Variants in SOX6 observed in about 807,000 individuals in gnomAD.
SOX6 encodes SRY-box transcription factor 6.
A neutral mutation model predicts 97.8 loss-of-function variants in SOX6; 11 were observed. The ratio of observed to expected loss-of-function variants is 0.11; its 90% CI spans 0.07 to 0.19. The LOEUF (loss-of-function observed/expected upper bound fraction) is 0.19. Ranked by LOEUF, SOX6 falls within the 10% of genes least tolerant of loss-of-function variation. The probability of loss-of-function intolerance (pLI) is 1.00; values close to 1 mark genes in which losing one functional copy is unlikely to be tolerated. For synonymous variants in SOX6, 360 were observed against 371.4 expected (o/e 0.97, Z 0.35); for missense variants, 810 against 1,039.5 (o/e 0.78, Z 3.04).
intron 2 of SOX6, among the ~76,000 whole-genome samples, chr11:16,322,559 T>C (rs297358): frequency 0.87 from 131,840 of 152,036 alleles, 57,620 homozygotes; most frequent in Non-Finnish European, 0.92. Context: ...ATAATATCTA[T>C]CAAGTCTTAA....
At chr11:16,538,267 G>A (rs1276749616) in intron 4 of SOX6, among the ~76,000 whole-genome samples, 1 of 152,114 alleles carries the variant, frequency 6.6e-6, no homozygotes, top group Non-Finnish European at 1.5e-5. Flanking sequence ...TTACAGACAA[G>A]CAAATGCTGA....
chr11:16,646,655 T>C (rs1008253780), intron 3 of SOX6, among the ~76,000 whole-genome samples: 3 of 152,136 alleles, frequency 2.0e-5, no homozygotes, highest in Non-Finnish European at 2.9e-5. Flanking sequence ...CCACAGCCCA[T>C]TGTATAATTC....
intron 12 of SOX6, among the ~76,000 whole-genome samples, chr11:16,035,303 T>C (rs748158163): frequency 7.9e-5 from 12 of 152,196 alleles, no homozygotes; most frequent in Non-Finnish European, 1.3e-4. Context: ...AGTTCAATAT[T>C]AACTGTGTGA....
At chr11:16,274,835 T>A (rs1005589703) in intron 3 of SOX6, among the ~76,000 whole-genome samples, 4 of 152,126 alleles carry the variant, frequency 2.6e-5, no homozygotes, top group African/African-American at 9.7e-5. Flanking sequence ...CTAAATAAAT[T>A]ATTAGGCCTT....
chr11:16,269,411 T>C (rs1018527987), intron 3 of SOX6, among the ~76,000 whole-genome samples: 1 of 150,982 alleles, frequency 6.6e-6, no homozygotes, highest in Non-Finnish European at 1.5e-5. Flanking sequence ...GCATGTTTGT[T>C]TATCCATATG....
chr11:16,523,882 G>C (rs1482449692), intron 4 of SOX6, among the ~76,000 whole-genome samples: 2 of 152,178 alleles, frequency 1.3e-5, no homozygotes, highest in East Asian at 1.9e-4. Flanking sequence ...AGAAAATCTA[G>C]AAGAAATGGA....
intron 4 of SOX6, among the ~76,000 whole-genome samples, chr11:16,533,080 A>T (rs1196581706): frequency 6.6e-6 from 1 of 151,958 alleles, no homozygotes; most frequent in African/African-American, 2.4e-5. Context: ...TTTAATATTG[A>T]TGCCCTTTAT....
intron 3 of SOX6, among the ~76,000 whole-genome samples, chr11:16,696,915 G>A (rs1848058092): frequency 1.3e-5 from 2 of 151,542 alleles, no homozygotes; most frequent in African/African-American, 2.4e-5. Context: ...TTCTTTCAAA[G>A]TTGGAGTCAA....
chr11:16,457,393 A>G (rs986240329), intron 1 of SOX6, among the ~76,000 whole-genome samples: 1 of 152,126 alleles, frequency 6.6e-6, no homozygotes, highest in Non-Finnish European at 1.5e-5. Context: ...GTGATAAGGA[A>G]TCACAAAGTC....
chr11:16,207,579 G>A (rs1219892519), intron 4 of SOX6, among the ~76,000 whole-genome samples: 2 of 145,546 alleles, frequency 1.4e-5, no homozygotes, highest in Non-Finnish European at 3.0e-5. Context: ...GGGCGACAGA[G>A]CGAGACTCCA....
chr11:16,186,235 T>C (rs1440742283), intron 5 of SOX6, among the ~76,000 whole-genome samples: 1 of 152,122 alleles, frequency 6.6e-6, no homozygotes, highest in Non-Finnish European at 1.5e-5. Flanking sequence ...TGATGTATCA[T>C]CCAAACCAAG....
chr11:16,717,583 A>G (rs1184264102), intron 2 of SOX6, among the ~76,000 whole-genome samples: 2 of 152,114 alleles, frequency 1.3e-5, no homozygotes, highest in East Asian at 1.9e-4. Context: ...TGTCCTTTGT[A>G]TATCTTTTTG....
At chr11:16,227,347 TCCAGAAC>T (rs1186467477) in intron 4 of SOX6, among the ~76,000 whole-genome samples, 1 of 152,208 alleles carries the variant, frequency 6.6e-6, no homozygotes, top group African/African-American at 2.4e-5. Context: ...CTTAAAATTT[TCCAGAAC>T]CCAATTTTCA....
intron 1 of SOX6, among the ~76,000 whole-genome samples, chr11:16,469,489 T>C (rs916574610): frequency 6.6e-6 from 1 of 152,120 alleles, no homozygotes; most frequent in African/African-American, 2.4e-5. Flanking sequence ...TGTGAACCTA[T>C]TTGCAAATCA....
intron 6 of SOX6, among the ~76,000 whole-genome samples, chr11:16,143,792 G>A (rs112041310): frequency 0.012 from 1,825 of 152,228 alleles, 35 homozygotes; most frequent in African/African-American, 0.042. Context: ...AATTCAACAC[G>A]AAGAGCTAAG....
chr11:16,687,131 AC>A (rs1274542929), intron 3 of SOX6, among the ~76,000 whole-genome samples: 1 of 152,224 alleles, frequency 6.6e-6, no homozygotes, highest in Non-Finnish European at 1.5e-5. Flanking sequence ...TGTCAAAAAA[AC>A]AAAAAAAGAA....
chr11:16,643,630 A>C (rs1271837073), intron 3 of SOX6, among the ~76,000 whole-genome samples: 1 of 152,148 alleles, frequency 6.6e-6, no homozygotes, highest in Non-Finnish European at 1.5e-5. Context: ...CCCCTCCCCC[A>C]GCCTCGCTGC....
In SOX6 at chr11:16,425,982, C is replaced by T. The variant is rs190390038; in HGVS notation, c.-5+50333G>A. Reference sequence around the variant, plus strand: ...AAAAAAAAACTATTTTAAGGCTGGGCGCAGTGGCTCTCACCTGTAATCCCA... The same window carrying T: ...AAAAAAAAACTATTTTAAGGCTGGGTGCAGTGGCTCTCACCTGTAATCCCA... On this transcript the variant is annotated intron_variant, in intron 1 of 15. Transcript: ENST00000396356. Among the ~76,000 whole-genome samples the T allele has an allele frequency of 4.8e-3, 726 of 151,696 alleles. 6 individuals carry two copies. Among genetic ancestry groups the T allele is most frequent in the Non-Finnish European group, 6.2e-3 (420 of 67,898 alleles).
intron 4 of SOX6, among the ~76,000 whole-genome samples, chr11:16,570,196 A>G (rs1440295618): frequency 6.6e-6 from 1 of 152,134 alleles, no homozygotes; most frequent in Non-Finnish European, 1.5e-5. Flanking sequence ...CTAGCAATTG[A>G]TCGTATACTC....
Sources: gnomAD v4.1 joint callset for allele counts (sites outside exome capture counted in the v4.1 genomes callset) on GRCh38, gnomAD v4.1.1 for gene constraint, MANE v1.5 for transcripts, NCBI Gene and HGNC (gene_info 2026-07-23, HGNC 2026-07-21) for gene names.